RNLS: variants seen among roughly 807,000 people sequenced by gnomAD.
RNLS encodes renalase, FAD dependent amine oxidase.
RNLS carries 39 observed loss-of-function variants against 39.8 expected under a neutral mutation model. The observed-to-expected ratio is 0.98, with a 90% CI of 0.76 to 1.28. RNLS has a LOEUF of 1.28. RNLS is among the 50% of genes most tolerant of loss of function. The pLI is 0.00. For missense variants in RNLS, 410 were observed against 413.3 expected (o/e 0.99, Z 0.07); for synonymous variants, 147 against 150.7 (o/e 0.98, Z 0.18).
chr10:88,287,854 G>T (rs1225222719), intron 6 of RNLS, among the ~76,000 whole-genome samples: 1 of 151,880 alleles, frequency 6.6e-6, no homozygotes, highest in Non-Finnish European at 1.5e-5. Context: ...CTCCCACCAG[G>T]TACCTCCCTC....
chr10:88,244,178 C>T, the RNLS span, among the ~76,000 whole-genome samples: 1 of 152,108 alleles, frequency 6.6e-6, no homozygotes, highest in East Asian at 1.9e-4. Context: ...TCCAGCCTGC[C>T]CCAAGTTGTA....
At chr10:88,229,436 TG>T in the RNLS span, among the ~76,000 whole-genome samples, 1 of 152,166 alleles carries the variant, frequency 6.6e-6, no homozygotes, top group South Asian at 2.1e-4. Flanking sequence ...TGTTTAAGAG[TG>T]GCAGAAGCTT....
Position 88,572,988 on chromosome 10 carries a change from T to A in RNLS, c.441A>T (p.Gln147His), listed in dbSNP as rs1849939090. ...LRDDKWEVSK[Q>H]TGSPEQFDLI... The stretch of plus-strand genomic sequence containing the variant: ...GATCAAACTGCTCAGGGGAGCCTGT[T>A]TGTTTGGATACTTCCCATTTGTCAT... The change falls in exon 4 of 7, where the codon CAA (glutamine) becomes CAT (histidine). Residue 147 changes from glutamine to histidine, a missense_variant. Transcript: ENST00000331772. The A allele has an allele frequency of 1.9e-6, 3 of 1,614,098 alleles. No homozygotes were observed. In the East Asian group the frequency reaches 6.7e-5, roughly 36 times the overall value.
chr10:88,382,987 C>T (rs573916452), intron 4 of RNLS, among the ~76,000 whole-genome samples: 1 of 152,146 alleles, frequency 6.6e-6, no homozygotes, highest in East Asian at 1.9e-4. Flanking sequence ...ATTCATATAG[C>T]TTTTCAAAAT....
At chr10:88,433,262 T>C (rs1241312974) in intron 4 of RNLS, among the ~76,000 whole-genome samples, 1 of 152,030 alleles carries the variant, frequency 6.6e-6, no homozygotes, top group African/African-American at 2.4e-5. Flanking sequence ...GGAAGGTCCC[T>C]TTCTGAAAGA....
intron 4 of RNLS, among the ~76,000 whole-genome samples, chr10:88,502,559 C>T (rs1845563418): frequency 6.6e-6 from 1 of 152,128 alleles, no homozygotes; most frequent in Non-Finnish European, 1.5e-5. Flanking sequence ...CAGTCTTGGA[C>T]TTTTCAGCCA....
At chr10:88,523,067 G>C (rs1846856600) in intron 4 of RNLS, among the ~76,000 whole-genome samples, 1 of 151,940 alleles carries the variant, frequency 6.6e-6, no homozygotes, top group African/African-American at 2.4e-5. Context: ...CAGGGAAGAG[G>C]GAGCAATTCT....
At chr10:88,285,970 G>A (rs1843237901) in intron 6 of RNLS, among the ~76,000 whole-genome samples, 1 of 152,068 alleles carries the variant, frequency 6.6e-6, no homozygotes, top group African/African-American at 2.4e-5. Context: ...TTTCCACCAT[G>A]TGAGGACACA....
chr10:88,463,178 G>C (rs1329897796), intron 4 of RNLS, among the ~76,000 whole-genome samples: 1 of 151,934 alleles, frequency 6.6e-6, no homozygotes. Flanking sequence ...TTGGAAATAG[G>C]ATCATTGCAA....
intron 4 of RNLS, among the ~76,000 whole-genome samples, chr10:88,420,011 A>AAAAT (rs57637078): frequency 0.068 from 9,090 of 134,606 alleles, 411 homozygotes; most frequent in Non-Finnish European, 0.094. Context: ...ACTCCATCTC[A>AAAAT]AAATAAATAA....
chr10:88,277,664 T>C (rs2132594604), intron 6 of RNLS, among the ~76,000 whole-genome samples: 1 of 152,302 alleles, frequency 6.6e-6, no homozygotes, highest in East Asian at 1.9e-4. Flanking sequence ...AGGAGTATAA[T>C]CATATTAACA....
chr10:88,273,282 G>GA (rs1842701818), downstream of RNLS, among the ~76,000 whole-genome samples: 1 of 152,040 alleles, frequency 6.6e-6, no homozygotes, highest in Non-Finnish European at 1.5e-5. Flanking sequence ...TGAAAATACA[G>GA]AAAAAATATA....
At chr10:88,393,329 G>A (rs1324800010) in intron 4 of RNLS, among the ~76,000 whole-genome samples, 1 of 152,004 alleles carries the variant, frequency 6.6e-6, no homozygotes, top group Non-Finnish European at 1.5e-5. Flanking sequence ...AAGCTGATAA[G>A]CAACTTCAGC....
intron 4 of RNLS, among the ~76,000 whole-genome samples, chr10:88,546,904 CA>C (rs35186408): frequency 0.45 from 60,437 of 133,260 alleles, 12,772 homozygotes; most frequent in African/African-American, 0.59. Flanking sequence ...ACCATGAAAC[CA>C]AAAAAAAAAA....
At chr10:88,328,660 T>G (rs1167981332) in intron 5 of RNLS, among the ~76,000 whole-genome samples, 1 of 152,230 alleles carries the variant, frequency 6.6e-6, no homozygotes, top group African/African-American at 2.4e-5. Context: ...AAATTAAAAT[T>G]GAAAGTGAAC....
chr10:88,529,753 T>C (rs1311447071), intron 4 of RNLS, among the ~76,000 whole-genome samples: 1 of 152,206 alleles, frequency 6.6e-6, no homozygotes, highest in Admixed American at 6.5e-5. Flanking sequence ...GAGAATACTA[T>C]AAAAACACTT....
Position 88,362,582 on chromosome 10 carries a change from C to T in RNLS, c.670G>A (p.Val224Ile), listed in dbSNP as rs760004178. The change falls in exon 5 of 7, where the codon GTC (valine) becomes ATC (isoleucine). Residue 224 changes from valine (V) to isoleucine (I), a missense_variant. Val to Ile is a conservative substitution (Grantham distance 29). Transcript: ENST00000331772. ...YITSNPCIRF[V>I]SIDNKKRNIE... Reference sequence around the variant, plus strand: ...TTGCGCTTCTTATTATCAATGGAGACGAAGCGTATGCAGGGATTACTGGTG... The same window carrying T: ...TTGCGCTTCTTATTATCAATGGAGATGAAGCGTATGCAGGGATTACTGGTG... 1.6e-5 allele frequency: 26 copies of T among 1,613,574 alleles called. 1 individual carries two copies. Among genetic ancestry groups the T allele is most frequent in the South Asian group, 4.4e-5 (4 of 91,034 alleles).
chr10:88,564,194 A>T (rs1849359434), intron 4 of RNLS, among the ~76,000 whole-genome samples: 1 of 152,162 alleles, frequency 6.6e-6, no homozygotes, highest in Non-Finnish European at 1.5e-5. Flanking sequence ...ATCACACAGC[A>T]ACTAGAAATT....
At chr10:88,264,177 T>G in the RNLS span, among the ~76,000 whole-genome samples, 2 of 152,226 alleles carry the variant, frequency 1.3e-5, no homozygotes, top group Non-Finnish European at 2.9e-5. Flanking sequence ...CTGAGTAGTA[T>G]TCCACAGTAT....
Sources: gnomAD v4.1 joint callset for allele counts (sites outside exome capture counted in the v4.1 genomes callset) on GRCh38, gnomAD v4.1.1 for gene constraint, MANE v1.5 for transcripts, NCBI Gene and HGNC (gene_info 2026-07-23, HGNC 2026-07-21) for gene names.